The following RAB3C variants were observed in gnomAD, a reference collection of about 807,000 sequenced individuals.
The protein encoded by RAB3C is ras-related protein Rab-3C.
RAB3C carries 17 observed loss-of-function variants against 26.4 expected under a neutral mutation model. That is an observed-to-expected ratio of 0.64 (90% CI 0.44 to 0.97). The LOEUF (loss-of-function observed/expected upper bound fraction) is 0.97. RAB3C is among the 50% of genes least tolerant of loss of function. The pLI, the probability that RAB3C is intolerant of heterozygous loss-of-function variation, is 0.00. For missense variants in RAB3C, 242 were observed against 281.9 expected, an observed-to-expected ratio of 0.86 and a Z score of 1.01; for synonymous variants, 91 against 95.9, an observed-to-expected ratio of 0.95 and a Z score of 0.30.
chr5:58,729,047 C>G (rs1740946512), intron 3 of RAB3C, among the ~76,000 whole-genome samples: 1 of 151,928 alleles, frequency 6.6e-6, no homozygotes, highest in African/African-American at 2.4e-5. Context: ...CCTTTTCCTA[C>G]CTGCTCCCAC....
rs1430702576 is a variant in RAB3C, at chr5:58,856,189, T to C, written c.*4838T>C. On this transcript the variant is annotated 3_prime_UTR_variant, in exon 5 of 5. Coordinates refer to ENST00000282878, the MANE Select transcript of RAB3C (RefSeq NM_138453.4). ...CCAGCTATAACTCACATCTTACTTA[T>C]AAGGTCCATAAAATCGGTTCTTCAC... 2.0e-5 allele frequency: 3 copies of C among 151,972 alleles called. No homozygotes were observed. The highest frequency in any genetic ancestry group is 1.9e-4 in the East Asian group (1 of 5,182). The allele number at this position is 151,972 out of a possible 1,614,324, so 9.4% of individuals were successfully genotyped here.
intron 4 of RAB3C, among the ~76,000 whole-genome samples, chr5:58,841,988 A>T (rs1743885741): frequency 1.3e-5 from 2 of 152,170 alleles, no homozygotes; most frequent in South Asian, 4.1e-4. Flanking sequence ...GATACCATTG[A>T]GTAAGTACAA....
At chr5:58,806,817 A>T (rs897575329) in intron 3 of RAB3C, among the ~76,000 whole-genome samples, 2 of 152,188 alleles carry the variant, frequency 1.3e-5, no homozygotes, top group African/African-American at 4.8e-5. Flanking sequence ...TTTCAAACAC[A>T]AGAATGTAGC....
intron 2 of RAB3C, among the ~76,000 whole-genome samples, chr5:58,624,975 C>A (rs1747022048): frequency 2.6e-5 from 4 of 152,052 alleles, no homozygotes; most frequent in Admixed American, 2.6e-4. Flanking sequence ...GTTATCTAAT[C>A]CTCACAAAAA....
intron 2 of RAB3C, among the ~76,000 whole-genome samples, chr5:58,637,899 T>A (rs1489314611): frequency 6.6e-6 from 1 of 152,186 alleles, no homozygotes; most frequent in African/African-American, 2.4e-5. Flanking sequence ...ACATATATGT[T>A]ATGAATCTTT....
At chr5:58,804,924 A>G (rs1448202886) in intron 3 of RAB3C, among the ~76,000 whole-genome samples, 5 of 151,588 alleles carry the variant, frequency 3.3e-5, no homozygotes, top group Admixed American at 3.3e-4. Flanking sequence ...ACATCCATTG[A>G]CCTATACTGA....
chr5:58,611,568 T>C (rs967480861), intron 1 of RAB3C, among the ~76,000 whole-genome samples: 2 of 152,192 alleles, frequency 1.3e-5, no homozygotes, highest in African/African-American at 4.8e-5. Flanking sequence ...ACCTACTTTT[T>C]AATGGAGTTT....
Position 58,803,375 on chromosome 5 carries a change from A to G in RAB3C, c.372-21663A>G, listed in dbSNP as rs184378739. ...AAAAATGCTTTTTTATTTTTATTTC[A>G]GAGACTGTCAAAAGTGAAAGGTAGC... is the stretch of plus-strand genomic sequence containing the variant. On this transcript the variant is annotated intron_variant, in intron 3 of 4. Coordinates refer to ENST00000282878, the MANE Select transcript of RAB3C (RefSeq NM_138453.4). 1.2e-4 allele frequency among the ~76,000 whole-genome samples: 18 copies of G among 152,290 alleles called. 1 individual carries two copies. The highest frequency in any genetic ancestry group is 9.8e-4 in the Admixed American group (15 of 15,302).
chr5:58,842,174 A>G (rs761477640), intron 4 of RAB3C, among the ~76,000 whole-genome samples: 1 of 152,128 alleles, frequency 6.6e-6, no homozygotes, highest in Non-Finnish European at 1.5e-5. Context: ...TTACCTTGAA[A>G]TTTTTATCAT....
intron 3 of RAB3C, among the ~76,000 whole-genome samples, chr5:58,777,958 A>G (rs1476933948): frequency 6.6e-6 from 1 of 151,994 alleles, no homozygotes; most frequent in East Asian, 1.9e-4. Flanking sequence ...TATTCCAAAG[A>G]ACATGTTTTG....
intron 3 of RAB3C, among the ~76,000 whole-genome samples, chr5:58,782,011 T>G (rs1368602324): frequency 1.3e-5 from 2 of 152,184 alleles, no homozygotes; most frequent in Non-Finnish European, 2.9e-5. Context: ...CTTTTCACTA[T>G]CTTTTGAGTG....
chr5:58,716,029 T>TA (rs35408476), intron 2 of RAB3C, among the ~76,000 whole-genome samples: 48,007 of 110,618 alleles, frequency 0.43, 8,252 homozygotes, highest in Middle Eastern at 0.53. Context: ...TAAAGTACAA[T>TA]AAAAAAAAAA....
At chr5:58,755,009 G>T (rs1741624576) in intron 3 of RAB3C, among the ~76,000 whole-genome samples, 1 of 152,010 alleles carries the variant, frequency 6.6e-6, no homozygotes, top group Non-Finnish European at 1.5e-5. Context: ...GCTTTAAGAT[G>T]CTAAATTTAA....
chr5:58,799,351 AT>A (rs557867607), intron 3 of RAB3C, among the ~76,000 whole-genome samples: 31 of 147,930 alleles, frequency 2.1e-4, no homozygotes, highest in African/African-American at 4.9e-4. Flanking sequence ...ACAGGCTTTA[AT>A]TTTTTTTTTT....
intron 3 of RAB3C, among the ~76,000 whole-genome samples, chr5:58,802,164 C>A (rs1231591902): frequency 6.6e-6 from 1 of 152,084 alleles, no homozygotes; most frequent in African/African-American, 2.4e-5. Context: ...TAGAAAACTG[C>A]ATTTAGTTAT....
At chr5:58,844,127 G>A (rs1743936229) in intron 4 of RAB3C, among the ~76,000 whole-genome samples, 1 of 152,220 alleles carries the variant, frequency 6.6e-6, no homozygotes, top group Non-Finnish European at 1.5e-5. Flanking sequence ...GTCAAGGAAT[G>A]AGGGGTGTTT....
chr5:58,657,414 G>C (rs1014791419), intron 2 of RAB3C, among the ~76,000 whole-genome samples: 1 of 152,144 alleles, frequency 6.6e-6, no homozygotes, highest in African/African-American at 2.4e-5. Context: ...AGAGTATTCG[G>C]GGAAGGACTT....
At chr5:58,721,417 G>C (rs1740758331) in intron 2 of RAB3C, among the ~76,000 whole-genome samples, 1 of 151,702 alleles carries the variant, frequency 6.6e-6, no homozygotes, top group Non-Finnish European at 1.5e-5. Flanking sequence ...CCAGCTATTA[G>C]CATCAGCTAG....
intron 2 of RAB3C, among the ~76,000 whole-genome samples, chr5:58,667,020 C>T (rs1748016283): frequency 6.6e-6 from 1 of 152,170 alleles, no homozygotes; most frequent in Admixed American, 6.5e-5. Flanking sequence ...TTTAGACAGA[C>T]TATGTGAAGT....
Sources: gnomAD v4.1 joint callset for allele counts (sites outside exome capture counted in the v4.1 genomes callset) on GRCh38, gnomAD v4.1.1 for gene constraint, MANE v1.5 for transcripts, NCBI Gene and HGNC (gene_info 2026-07-23, HGNC 2026-07-21) for gene names.